Variants in COL23A1 observed in about 807,000 individuals in gnomAD.
COL23A1 encodes the protein collagen alpha-1(XXIII) chain.
COL23A1 carries 97 observed loss-of-function variants against 99.3 expected under a neutral mutation model. That is an observed-to-expected ratio of 0.98 (90% confidence interval 0.83 to 1.16). The LOEUF (loss-of-function observed/expected upper bound fraction) is 1.16. COL23A1 is among the 50% of genes most tolerant of loss of function. COL23A1 has a pLI of 0.00. For missense variants in COL23A1, 762 were observed against 757.4 expected, an observed-to-expected ratio of 1.01 and a Z score of -0.07; for synonymous variants, 320 against 308.2, an observed-to-expected ratio of 1.04 and a Z score of -0.40.
rs536628586 is a variant in COL23A1 at position 178,507,454 on chromosome 5, C to T, written c.361+53228G>A. On this transcript the variant is annotated intron_variant, in intron 2 of 28. Transcript: ENST00000390654. ...GTGAAACCGTTAGCTGGCCACTTCC[C>T]GTGCAAAGCCTCAGGTCCCTGCTCT... is the stretch of plus-strand genomic sequence containing the variant. 4.6e-5 allele frequency among the ~76,000 whole-genome samples: 7 copies of T among 152,332 alleles called. No individual in the cohort carries two copies. In the South Asian group the frequency reaches 6.2e-4, roughly 14 times the overall value.
intron 17 of COL23A1, among the ~76,000 whole-genome samples, chr5:178,251,157 G>C (rs1765013740): frequency 6.6e-6 from 1 of 151,818 alleles, no homozygotes; most frequent in African/African-American, 2.4e-5. Flanking sequence ...CAAGTAGCTG[G>C]GATTACAAGT....
At chr5:178,489,351 C>A (rs981603487) in intron 2 of COL23A1, among the ~76,000 whole-genome samples, 2 of 152,230 alleles carry the variant, frequency 1.3e-5, no homozygotes, top group Non-Finnish European at 2.9e-5. Context: ...AGACCTTCAG[C>A]CTCAGACTAG....
In COL23A1 at chr5:178,255,099, T is replaced by C; in HGVS notation, c.883-73A>G. On this transcript the variant is annotated intron_variant, in intron 15 of 28. Coordinates refer to ENST00000390654, the MANE Select transcript of COL23A1 (RefSeq NM_173465.4). The surrounding 1 kb of genome is among the most constrained non-coding windows in gnomAD (Gnocchi z 4.2). ...TTGGAGGTGAAGTGGCAGCTGTCCC[T>C]GCATCACATCCAGAGAGAAAGCAAT... The C allele has an allele frequency of 8.1e-7, 1 of 1,230,846 alleles. No homozygotes were observed. Among genetic ancestry groups the C allele is most frequent in the East Asian group, 2.4e-5 (1 of 42,470 alleles). 76.2% of individuals were successfully genotyped at this position (1,230,846 alleles called of 1,614,324 possible).
chr5:178,278,290 C>T (rs1209998930), intron 5 of COL23A1, among the ~76,000 whole-genome samples: 1 of 152,040 alleles, frequency 6.6e-6, no homozygotes, highest in Non-Finnish European at 1.5e-5. Flanking sequence ...GTTGGTTTCC[C>T]AGCCTCCCTG....
At chr5:178,337,631 A>G (rs1760417682) in intron 2 of COL23A1, among the ~76,000 whole-genome samples, 1 of 151,976 alleles carries the variant, frequency 6.6e-6, no homozygotes. Flanking sequence ...GAGGCGCTGT[A>G]GAGGGGGCAG....
chr5:178,239,177 G>T lies in COL23A1; in HGVS notation c.1584C>A (p.Gly528=), dbSNP rs754483385. 1 of 1,613,952 alleles carries T rather than the reference G, an allele frequency of 6.2e-7. No individual in the cohort carries two copies. Among genetic ancestry groups the T allele is most frequent in the African/African-American group, 1.3e-5 (1 of 74,926 alleles). The change falls in exon 28 of 29, where the codon GGC becomes GGA. Residue 528 remains glycine, a splice_region_variant and synonymous_variant. Transcript: ENST00000390654. ...AGCCAGGCACAGGCAGCCCGTCGGG[G>T]CCCTGGAAAGGAAGAAGGTTTCAGT... ...PPGLDQPCPV[G]PDGLPVPGCW...
rs146831778 is a variant in COL23A1, at chr5:178,470,493, C to T, written c.361+90189G>A. ...CCACCCAGACCCCAGCCAGAAGCCACGGCAAGCCGTCAGTGTCGAGCAGAG... is the reference window on the plus strand; with the variant it reads ...CCACCCAGACCCCAGCCAGAAGCCATGGCAAGCCGTCAGTGTCGAGCAGAG... On this transcript the variant is annotated intron_variant, in intron 2 of 28. Transcript: ENST00000390654. Among the ~76,000 whole-genome samples the T allele has an allele frequency of 6.2e-4, 94 of 152,266 alleles. No individual in the cohort carries two copies. In the East Asian group the frequency reaches 0.016, roughly 25 times the overall value.
chr5:178,245,996 G>A (rs1764672247), intron 24 of COL23A1, 28 bp from the exon 25 acceptor site: 1 of 1,613,858 alleles, frequency 6.2e-7, no homozygotes, highest in Non-Finnish European at 8.5e-7. Context: ...GTGGGTGAGA[G>A]GGGTTGGGGA....
intron 2 of COL23A1, among the ~76,000 whole-genome samples, chr5:178,469,441 C>G (rs1456325534): frequency 3.3e-5 from 5 of 152,176 alleles, no homozygotes; most frequent in African/African-American, 1.2e-4. Flanking sequence ...CCACCACATT[C>G]TACGAAGCTC....
At position 178,361,412 on chromosome 5, in the gene COL23A1, A is replaced by G. The variant is rs113877557; in HGVS notation, c.362-54493T>C. On this transcript the variant is annotated intron_variant, in intron 2 of 28. Coordinates refer to ENST00000390654, the MANE Select transcript of COL23A1 (RefSeq NM_173465.4). ...GGCTTTCGAGCCCTTGCTCTGAGGA[A>G]TGATCTTGGTGTGAATGTGGGCACA... 5.6e-3 allele frequency among the ~76,000 whole-genome samples: 856 copies of G among 152,218 alleles called. 5 individuals are homozygous for G. Among genetic ancestry groups the G allele is most frequent in the African/African-American group, 0.019 (788 of 41,524 alleles).
rs567110930 is a variant in COL23A1 at position 178,276,668 on chromosome 5, T to G, written c.442-6305A>C. On this transcript the variant is annotated intron_variant, in intron 5 of 28. Coordinates refer to ENST00000390654, the MANE Select transcript of COL23A1 (RefSeq NM_173465.4). The stretch of plus-strand genomic sequence containing the variant: ...TTCTGATTTCTCAGCCTAGGCTCTT[T>G]GTACACACATGGGCTGCAGCAAGAC... Among the ~76,000 whole-genome samples the G allele has an allele frequency of 5.9e-5, 9 of 152,344 alleles. No individual in the cohort carries two copies. In the South Asian group the frequency reaches 1.9e-3, roughly 32 times the overall value.
Position 178,263,237 on chromosome 5 carries a change from C to T in COL23A1, c.610G>A (p.Asp204Asn), listed in dbSNP as rs770942661. The change falls in exon 9 of 29, where the codon GAT (aspartate) becomes AAT (asparagine). Residue 204 changes from aspartate to asparagine, a missense_variant. Coordinates refer to ENST00000390654, the MANE Select transcript of COL23A1 (RefSeq NM_173465.4). ...ARGPPGDTGKDGPRGAQGPAG... is the reference protein window; with the variant it reads ...ARGPPGDTGKNGPRGAQGPAG... Reference sequence around the variant, plus strand: ...GGGCCTTGTGCTCCCCTGGGGCCATCTTTCCCAGTGTCGCCAGGAGGGCCC... The same window carrying T: ...GGGCCTTGTGCTCCCCTGGGGCCATTTTTCCCAGTGTCGCCAGGAGGGCCC... 8 of 1,613,822 alleles carry T rather than the reference C, an allele frequency of 5.0e-6. No individual in the cohort carries two copies. In the South Asian group the frequency reaches 7.7e-5, roughly 16 times the overall value.
At chr5:178,524,100 C>T (rs1206283318) in intron 2 of COL23A1, among the ~76,000 whole-genome samples, 3 of 152,166 alleles carry the variant, frequency 2.0e-5, no homozygotes, top group Non-Finnish European at 2.9e-5. Context: ...ACCTGGGTCA[C>T]GCTAGCTTAA....
At chr5:178,303,128 T>A (rs1238935531) in intron 3 of COL23A1, among the ~76,000 whole-genome samples, 1 of 152,180 alleles carries the variant, frequency 6.6e-6, no homozygotes, top group Non-Finnish European at 1.5e-5. Flanking sequence ...AACCTCTGAG[T>A]AGCTGGGACT....
rs963045259 is a variant in COL23A1 at position 178,372,934 on chromosome 5, T to C, written c.362-66015A>G. Among the ~76,000 whole-genome samples the C allele has an allele frequency of 1.4e-3, 84 of 58,480 alleles. No homozygotes were observed. In the South Asian group the frequency reaches 0.023, roughly 16 times the overall value. 38.4% of individuals were successfully genotyped at this position (58,480 alleles called of 152,430 possible). On this transcript the variant is annotated intron_variant, in intron 2 of 28. Coordinates refer to ENST00000390654, the MANE Select transcript of COL23A1 (RefSeq NM_173465.4). The stretch of plus-strand genomic sequence containing the variant: ...TCTTTCTTTCTCTTTTTCTTTCTTT[T>C]TTTTTTTTTTTTTGAGACAGAGTCT...
At position 178,285,720 on chromosome 5, in the gene COL23A1, T is replaced by C. The variant is rs114175113; in HGVS notation, c.441+2604A>G. On this transcript the variant is annotated intron_variant, in intron 5 of 28. Coordinates refer to ENST00000390654, the MANE Select transcript of COL23A1 (RefSeq NM_173465.4). ...CAAAGCCACGGTGATCCTCTGCACA[T>C]GAGGGGCCTCCGAGGTGGCCCAGGC... 4.3e-3 allele frequency among the ~76,000 whole-genome samples: 648 copies of C among 152,274 alleles called. 1 individual carries two copies. The highest frequency in any genetic ancestry group is 6.4e-3 in the Non-Finnish European group (436 of 68,008).
chr5:178,522,388 A>G (rs114191139), intron 2 of COL23A1, among the ~76,000 whole-genome samples: 1,919 of 152,304 alleles, frequency 0.013, 34 homozygotes, highest in African/African-American at 0.039. Flanking sequence ...CCCAGTCCGC[A>G]CAGACATCAC....
At chr5:178,334,940 C>T (rs1043582984) in intron 2 of COL23A1, among the ~76,000 whole-genome samples, 1 of 152,250 alleles carries the variant, frequency 6.6e-6, no homozygotes, top group Non-Finnish European at 1.5e-5. Context: ...GTGCCTCCCC[C>T]ACACCCCAGA....
chr5:178,529,667 G>A (rs772164298), intron 2 of COL23A1, among the ~76,000 whole-genome samples: 2 of 152,292 alleles, frequency 1.3e-5, no homozygotes, highest in South Asian at 2.1e-4. Context: ...TGGACACGAG[G>A]GGCATAGACT....
Sources: gnomAD v4.1 joint callset for allele counts (sites outside exome capture counted in the v4.1 genomes callset) on GRCh38, gnomAD v4.1.1 for gene constraint, Gnocchi (gnomAD v3.1) non-coding constraint, MANE v1.5 for transcripts, NCBI Gene and HGNC (gene_info 2026-07-23, HGNC 2026-07-21) for gene names.